LHFPL3: variants seen among roughly 807,000 people sequenced by gnomAD.
The protein encoded by LHFPL3 is LHFPL tetraspan subfamily member 3.
A neutral mutation model predicts 19.3 loss-of-function variants in LHFPL3; 5 were observed. The ratio of observed to expected loss-of-function variants is 0.26; its 90% CI spans 0.14 to 0.54. The LOEUF is 0.54. Ranked by LOEUF, LHFPL3 falls within the 20% of genes least tolerant of loss-of-function variation. LHFPL3 has a pLI of 0.94. For missense variants in LHFPL3, 249 were observed against 307.4 expected, an observed-to-expected ratio of 0.81 and a Z score of 1.42; for synonymous variants, 133 against 126.2, an observed-to-expected ratio of 1.05 and a Z score of -0.36.
chr7:104,412,305 G>C (rs141126100), intron 1 of LHFPL3, among the ~76,000 whole-genome samples: 4 of 152,070 alleles, frequency 2.6e-5, no homozygotes, highest in African/African-American at 9.7e-5. Flanking sequence ...TCTGCCCATA[G>C]TCTTGCAGCC....
intron 2 of LHFPL3, among the ~76,000 whole-genome samples, chr7:104,841,498 G>GTGTGTA (rs1284493088): frequency 6.7e-6 from 1 of 150,048 alleles, no homozygotes; most frequent in Non-Finnish European, 1.5e-5. Flanking sequence ...TGTGGGGTGT[G>GTGTGTA]TGTGTGTGTG....
At chr7:104,725,444 T>A (rs1681898237) in intron 1 of LHFPL3, among the ~76,000 whole-genome samples, 1 of 152,140 alleles carries the variant, frequency 6.6e-6, no homozygotes, top group African/African-American at 2.4e-5. Context: ...AAATATTCAG[T>A]TTTCTTTTTT....
At chr7:104,660,050 G>A (rs1363651465) in intron 1 of LHFPL3, among the ~76,000 whole-genome samples, 1 of 151,310 alleles carries the variant, frequency 6.6e-6, no homozygotes, top group African/African-American at 2.4e-5. Flanking sequence ...TGCCCAGGCT[G>A]GAGTATAGTG....
At chr7:104,477,005 T>G (rs1163513016) in intron 1 of LHFPL3, among the ~76,000 whole-genome samples, 1 of 152,164 alleles carries the variant, frequency 6.6e-6, no homozygotes, top group Non-Finnish European at 1.5e-5. Flanking sequence ...TTTGTTTGTT[T>G]TTTAATACAA....
chr7:104,754,084 G>A (rs1159869062), intron 2 of LHFPL3, among the ~76,000 whole-genome samples: 1 of 152,182 alleles, frequency 6.6e-6, no homozygotes, highest in Non-Finnish European at 1.5e-5. Context: ...GGGAGTTGGA[G>A]GAAATCTGGT....
intron 2 of LHFPL3, among the ~76,000 whole-genome samples, chr7:104,837,701 G>A (rs1791124028): frequency 6.6e-6 from 1 of 152,058 alleles, no homozygotes; most frequent in Non-Finnish European, 1.5e-5. Flanking sequence ...GGTGATTTGT[G>A]AGATTTTGGT....
At chr7:104,527,393 G>T (rs1020535219) in intron 1 of LHFPL3, among the ~76,000 whole-genome samples, 3 of 152,134 alleles carry the variant, frequency 2.0e-5, no homozygotes, top group African/African-American at 7.2e-5. Context: ...AGGAGTTCAT[G>T]AAAGTGTGTT....
chr7:104,394,765 A>G (rs1791148481), intron 1 of LHFPL3, among the ~76,000 whole-genome samples: 1 of 151,974 alleles, frequency 6.6e-6, no homozygotes. Flanking sequence ...CAGTAACACA[A>G]TCTCAGCTGA....
intron 1 of LHFPL3, among the ~76,000 whole-genome samples, chr7:104,477,768 GAAAGGAATGCATTCCTACATACA>G (rs1793052369): frequency 6.7e-6 from 1 of 150,300 alleles, no homozygotes. Context: ...AAAAAAAAGA[GAAAGGAATGCATTCCTACATACA>G]AAAGCATTAA....
At chr7:104,622,710 G>T (rs1435565202) in intron 1 of LHFPL3, among the ~76,000 whole-genome samples, 1 of 152,118 alleles carries the variant, frequency 6.6e-6, no homozygotes, top group East Asian at 1.9e-4. Context: ...TTAGTGACTG[G>T]CTTCTTTCAC....
chr7:104,567,317 A>G (rs1266665989), intron 1 of LHFPL3, among the ~76,000 whole-genome samples: 2 of 152,228 alleles, frequency 1.3e-5, no homozygotes, highest in Non-Finnish European at 2.9e-5. Flanking sequence ...GGCCCCCTAG[A>G]TACATTGGTC....
chr7:104,488,702 C>T (rs1016910058), intron 1 of LHFPL3, among the ~76,000 whole-genome samples: 14 of 152,018 alleles, frequency 9.2e-5, no homozygotes, highest in Non-Finnish European at 1.5e-4. Flanking sequence ...AGCATCTAGA[C>T]GGATAGCAAC....
chr7:104,860,788 G>C (rs1453716541), intron 2 of LHFPL3, among the ~76,000 whole-genome samples: 1 of 152,094 alleles, frequency 6.6e-6, no homozygotes, highest in Non-Finnish European at 1.5e-5. Flanking sequence ...TCTTTCTCTT[G>C]CCAAGAACTA....
intron 1 of LHFPL3, among the ~76,000 whole-genome samples, chr7:104,553,178 G>A (rs1434608586): frequency 6.6e-6 from 1 of 152,118 alleles, no homozygotes; most frequent in African/African-American, 2.4e-5. Flanking sequence ...TAAGAATGCA[G>A]ATCTGCTTTT....
intron 2 of LHFPL3, among the ~76,000 whole-genome samples, chr7:104,748,030 A>C (rs1794083675): frequency 6.6e-6 from 1 of 152,038 alleles, no homozygotes; most frequent in African/African-American, 2.4e-5. Flanking sequence ...CTGCCTTGAG[A>C]TTCTGTTAAT....
At chr7:104,459,486 A>G (rs1330645362) in intron 1 of LHFPL3, among the ~76,000 whole-genome samples, 3 of 152,208 alleles carry the variant, frequency 2.0e-5, no homozygotes, top group Non-Finnish European at 4.4e-5. Context: ...TTGATGGCGC[A>G]AACTGCTGCC....
chr7:104,822,263 T>C (rs1185473968), intron 2 of LHFPL3, among the ~76,000 whole-genome samples: 6 of 152,242 alleles, frequency 3.9e-5, no homozygotes, highest in Admixed American at 3.9e-4. Flanking sequence ...AGTCATGGTA[T>C]TTTGTAATAC....
Position 104,489,273 on chromosome 7 carries a change from G to A in LHFPL3, c.445+160049G>A, listed in dbSNP as rs1237721611. Among the ~76,000 whole-genome samples the A allele has an allele frequency of 7.8e-5, 3 of 38,642 alleles. 1 individual carries two copies. The East Asian group carries it at 1.3e-3, about 17-fold the overall frequency. 25.4% of individuals were successfully genotyped at this position (38,642 alleles called of 152,430 possible). On this transcript the variant is annotated intron_variant, in intron 1 of 2. Coordinates refer to ENST00000424859, the MANE Select transcript of LHFPL3 (RefSeq NM_199000.3). ...AATTTTTTGTATTTTTAGTAGAGAC[G>A]GGGTTTCACCGTTTTTAGCCGGGAT...
chr7:104,833,295 T>A (rs867214365), intron 2 of LHFPL3, among the ~76,000 whole-genome samples: 1 of 40,526 alleles, frequency 2.5e-5, no homozygotes, highest in Non-Finnish European at 4.1e-5. Context: ...ATATATATAT[T>A]ATATATATAA....
Sources: allele counts gnomAD v4.1 joint callset (sites outside exome capture counted in the v4.1 genomes callset), GRCh38; gene constraint gnomAD v4.1.1; transcripts MANE v1.5; gene names NCBI Gene and HGNC (gene_info 2026-07-23, HGNC 2026-07-21).